Variants in RGL1 observed in about 807,000 individuals in gnomAD.
The protein encoded by RGL1 is ral guanine nucleotide dissociation stimulator like 1.
Under a neutral mutation model 95.2 loss-of-function variants are expected in RGL1, and 24 were observed. The observed-to-expected ratio is 0.25, with a 90% confidence interval of 0.18 to 0.35. RGL1 has a LOEUF of 0.35. RGL1 is among the 10% of genes least tolerant of loss of function. RGL1 has a pLI of 1.00. For missense variants in RGL1, 715 were observed against 936.3 expected (o/e 0.76, Z 3.08); for synonymous variants, 329 against 344.9 (o/e 0.95, Z 0.51).
At chr1:183,805,474 C>T (rs913401038) in intron 1 of RGL1, 150 bp downstream of exon 1, 22 of 735,900 alleles carry the variant, frequency 3.0e-5, no homozygotes, top group Non-Finnish European at 4.6e-5. Flanking sequence ...GCTTTGTATT[C>T]CTCTCTCTCT....
chr1:183,733,559 C>T (rs1656757671), intron 1 of RGL1, among the ~76,000 whole-genome samples: 1 of 152,156 alleles, frequency 6.6e-6, no homozygotes. Context: ...ATAGCTTCTG[C>T]CCTCTCCCCT....
chr1:183,746,771 G>T (rs12064656), intron 2 of RGL1, among the ~76,000 whole-genome samples: 27,552 of 151,730 alleles, frequency 0.18, 3,389 homozygotes, highest in African/African-American at 0.35. Flanking sequence ...ACATTAGGTA[G>T]TTCTCCTAAT....
chr1:183,657,657 A>G (rs1157474684), intron 1 of RGL1, among the ~76,000 whole-genome samples: 2 of 151,816 alleles, frequency 1.3e-5, no homozygotes, highest in African/African-American at 2.4e-5. Context: ...TCCATGGTGT[A>G]TATGTGCCAC....
intron 16 of RGL1, among the ~76,000 whole-genome samples, chr1:183,917,712 AG>A (rs1380229466): frequency 2.0e-5 from 3 of 152,248 alleles, no homozygotes; most frequent in Non-Finnish European, 4.4e-5. Flanking sequence ...TTAATTAGAA[AG>A]GGAGCCCACA....
chr1:183,902,965 A>C (rs968672415), intron 12 of RGL1, among the ~76,000 whole-genome samples: 4 of 152,162 alleles, frequency 2.6e-5, no homozygotes, highest in Non-Finnish European at 5.9e-5. Flanking sequence ...CTTGCCACTT[A>C]ATTAATAACA....
intron 1 of RGL1, among the ~76,000 whole-genome samples, chr1:183,703,589 T>C (rs1431512148): frequency 1.3e-5 from 2 of 152,226 alleles, no homozygotes; most frequent in Non-Finnish European, 2.9e-5. Context: ...GTACTGTTTT[T>C]CCATTATCGT....
intron 15 of RGL1, 83 bp from the exon 16 acceptor site, chr1:183,916,364 A>G: frequency 6.6e-7 from 1 of 1,520,072 alleles, no homozygotes; most frequent in Non-Finnish European, 9.0e-7. Flanking sequence ...ATCAGTCTTG[A>G]TATCTACCTC....
chr1:183,884,270 C>G (rs1459726289), intron 6 of RGL1, among the ~76,000 whole-genome samples: 1 of 152,172 alleles, frequency 6.6e-6, no homozygotes, highest in African/African-American at 2.4e-5. Context: ...GTAAAGGGAT[C>G]AAAGTATAAG....
chr1:183,664,573 C>CTT (rs5779182), intron 1 of RGL1, among the ~76,000 whole-genome samples: 8 of 146,682 alleles, frequency 5.5e-5, no homozygotes, highest in East Asian at 2.0e-4. Flanking sequence ...AGAGGGCATA[C>CTT]TTTTTTTTTT....
At chr1:183,787,180 G>A (rs566275723) in intron 2 of RGL1, among the ~76,000 whole-genome samples, 2 of 152,288 alleles carry the variant, frequency 1.3e-5, no homozygotes, top group East Asian at 1.9e-4. Context: ...CCAGTGCCCG[G>A]TCTGTGATGG....
At chr1:183,803,333 TTTCA>T (rs1243377357), upstream of RGL1, among the ~76,000 whole-genome samples, 4 of 152,208 alleles carry the variant, frequency 2.6e-5, no homozygotes, top group Non-Finnish European at 5.9e-5. Context: ...GCATGCATTA[TTTCA>T]TTTGATCTCT....
chr1:183,738,816 G>A (rs1558181228), intron 1 of RGL1, among the ~76,000 whole-genome samples: 1 of 152,106 alleles, frequency 6.6e-6, no homozygotes, highest in African/African-American at 2.4e-5. Context: ...CAGGAGAATT[G>A]CATGAACCCG....
At chr1:183,641,827 A>G (rs564089767) in intron 1 of RGL1, among the ~76,000 whole-genome samples, 4 of 152,100 alleles carry the variant, frequency 2.6e-5, no homozygotes, top group Non-Finnish European at 5.9e-5. Context: ...CTTTTCTTCT[A>G]TGATTATTGA....
chr1:183,688,351 C>A (rs1354012516), intron 1 of RGL1, among the ~76,000 whole-genome samples: 1 of 152,060 alleles, frequency 6.6e-6, no homozygotes, highest in East Asian at 1.9e-4. Flanking sequence ...AGATTAACAA[C>A]AGTAAAAACA....
chr1:183,866,168 G>T, intron 4 of RGL1, 95 bp downstream of exon 4: 5 of 1,072,206 alleles, frequency 4.7e-6, no homozygotes, highest in Non-Finnish European at 7.0e-6. Flanking sequence ...ATGTTGCCAT[G>T]ATTTTTTTTT....
At position 183,664,062 on chromosome 1, in the gene RGL1, G is replaced by C. The variant is rs557315247; in HGVS notation, c.-33+27561G>C. Among the ~76,000 whole-genome samples the C allele has an allele frequency of 9.9e-4, 108 of 109,448 alleles. 1 individual carries two copies. The Middle Eastern group carries it at 0.027, about 27-fold the overall frequency. The allele number at this position is 109,448 out of a possible 152,430, so 71.8% of individuals were successfully genotyped here. On this transcript the variant is annotated intron_variant, in intron 1 of 18. Transcript: ENST00000304685. ...GGAACATCACACTCTGAGGACTGTT[G>C]TGGGGTGGGGGGAGGGGGGAGGGAT... is the stretch of plus-strand genomic sequence containing the variant.
chr1:183,720,634 G>A (rs1655967426), intron 1 of RGL1, among the ~76,000 whole-genome samples: 1 of 152,188 alleles, frequency 6.6e-6, no homozygotes, highest in South Asian at 2.1e-4. Flanking sequence ...TTCAGCTGAA[G>A]GCCTTTCAAG....
At chr1:183,921,847 C>T (rs867053556) in intron 16 of RGL1, among the ~76,000 whole-genome samples, 36 of 152,348 alleles carry the variant, frequency 2.4e-4, no homozygotes, top group African/African-American at 8.2e-4. Flanking sequence ...GCCATAGAAG[C>T]AGTTCAACAT....
intron 1 of RGL1, among the ~76,000 whole-genome samples, chr1:183,721,982 G>A (rs776073361): frequency 6.6e-6 from 1 of 152,208 alleles, no homozygotes; most frequent in Non-Finnish European, 1.5e-5. Context: ...AGCATCTGTG[G>A]ATTGCAGTTG....
Sources: allele counts gnomAD v4.1 joint callset (sites outside exome capture counted in the v4.1 genomes callset), GRCh38; gene constraint gnomAD v4.1.1; transcripts MANE v1.5; gene names NCBI Gene and HGNC (gene_info 2026-07-23, HGNC 2026-07-21).